Variants in AP2B1 observed in about 807,000 individuals in gnomAD.
The protein encoded by AP2B1 is adaptor related protein complex 2 subunit beta 1, also known as AP-2 complex subunit beta.
Under a neutral mutation model 102.0 loss-of-function variants are expected in AP2B1, and 23 were observed. The ratio of observed to expected loss-of-function variants is 0.23; its 90% confidence interval spans 0.16 to 0.32. AP2B1 has a LOEUF of 0.32. Among genes scored for constraint, AP2B1 ranks in the 10% least tolerant of loss-of-function variants. AP2B1 has a pLI of 1.00. For synonymous variants in AP2B1, 381 were observed against 421.2 expected (o/e 0.90, Z 1.17); for missense variants, 541 against 1,157.4 (o/e 0.47, Z 7.73).
At chr17:35,622,368 A>C (rs1426784760) in intron 5 of AP2B1, among the ~76,000 whole-genome samples, 1 of 152,152 alleles carries the variant, frequency 6.6e-6, no homozygotes, top group Non-Finnish European at 1.5e-5. Context: ...TTTTGTAAGT[A>C]TATTATTTGT....
At chr17:35,621,583 C>T (rs1174612449) in intron 5 of AP2B1, among the ~76,000 whole-genome samples, 1 of 152,190 alleles carries the variant, frequency 6.6e-6, no homozygotes, top group South Asian at 2.1e-4. Flanking sequence ...CTAATCTGAT[C>T]TTTCTGGATC....
chr17:35,663,296 T>A (rs952829831), intron 14 of AP2B1, among the ~76,000 whole-genome samples: 1 of 152,214 alleles, frequency 6.6e-6, no homozygotes, highest in African/African-American at 2.4e-5. Context: ...CAGACAGTTT[T>A]GAGAATAATT....
intron 14 of AP2B1, among the ~76,000 whole-genome samples, chr17:35,668,443 G>A (rs956986844): frequency 4.6e-5 from 7 of 152,056 alleles, no homozygotes; most frequent in Non-Finnish European, 7.4e-5. Context: ...CTCTGGGGGC[G>A]AGTACTTTTT....
intron 10 of AP2B1, among the ~76,000 whole-genome samples, chr17:35,637,726 C>G (rs1412969893): frequency 7.4e-5 from 11 of 148,790 alleles, no homozygotes; most frequent in Admixed American, 1.3e-4. Flanking sequence ...CACTCTGTTG[C>G]CCAGGCTGGA....
intron 16 of AP2B1, among the ~76,000 whole-genome samples, chr17:35,672,455 A>C (rs2075609268): frequency 6.6e-6 from 1 of 152,216 alleles, no homozygotes; most frequent in South Asian, 2.1e-4. Context: ...AGCTCATTTA[A>C]GCCCTTGGGA....
chr17:35,691,432 C>T lies in AP2B1; in HGVS notation c.2454+8608C>T, dbSNP rs1025717627. ...AGAAAAACTGGTAGACGCTTCCAAG[C>T]GGAAGACCTTTTCAGCGCTCCCATC... On this transcript the variant is annotated intron_variant, in intron 18 of 21. Coordinates refer to ENST00000610402, the MANE Select transcript of AP2B1 (RefSeq NM_001030006.2). 2.6e-5 allele frequency among the ~76,000 whole-genome samples: 4 copies of T among 152,196 alleles called. No homozygotes were observed. The East Asian group carries it at 7.7e-4, about 29-fold the overall frequency.
intron 11 of AP2B1, among the ~76,000 whole-genome samples, chr17:35,640,829 T>A (rs1435664805): frequency 6.6e-6 from 1 of 152,180 alleles, no homozygotes; most frequent in Non-Finnish European, 1.5e-5. Flanking sequence ...GACTACACAT[T>A]TCTGTTAGTA....
At chr17:35,661,240 GAAA>G (rs375780143) in intron 14 of AP2B1, among the ~76,000 whole-genome samples, 2 of 151,862 alleles carry the variant, frequency 1.3e-5, no homozygotes, top group African/African-American at 4.8e-5. Context: ...AAACTATAAA[GAAA>G]AAAAATACTA....
chr17:35,646,978 A>G (rs879486283), intron 12 of AP2B1, among the ~76,000 whole-genome samples: 4 of 152,174 alleles, frequency 2.6e-5, no homozygotes, highest in Admixed American at 6.5e-5. Flanking sequence ...TAATTTGAAG[A>G]AAAAGCATTT....
At chr17:35,662,605 C>T (rs1399860339) in intron 14 of AP2B1, among the ~76,000 whole-genome samples, 2 of 131,680 alleles carry the variant, frequency 1.5e-5, no homozygotes, top group Non-Finnish European at 3.1e-5. Context: ...TGTGATTTTT[C>T]TCACCGTGCA....
chr17:35,618,088 T>C (rs1271508431), intron 5 of AP2B1, among the ~76,000 whole-genome samples: 1 of 152,202 alleles, frequency 6.6e-6, no homozygotes, highest in Non-Finnish European at 1.5e-5. Context: ...AAATGGAATA[T>C]TCTAGATTGT....
At chr17:35,624,753 A>G (rs1302526006) in intron 6 of AP2B1, among the ~76,000 whole-genome samples, 166 bp downstream of exon 6, 1 of 152,214 alleles carries the variant, frequency 6.6e-6, no homozygotes, top group African/African-American at 2.4e-5. Flanking sequence ...TAGGTGGTAG[A>G]ATAAACTATG....
intron 18 of AP2B1, among the ~76,000 whole-genome samples, chr17:35,699,928 G>T (rs903754921): frequency 6.6e-6 from 1 of 151,856 alleles, no homozygotes; most frequent in African/African-American, 2.4e-5. Context: ...GTAGACTAGT[G>T]TCTACAAAAA....
intron 7 of AP2B1, 116 bp from the exon 8 acceptor site, chr17:35,627,269 T>TTTG: frequency 2.5e-6 from 1 of 404,306 alleles, no homozygotes. Context: ...TTTTTTTTTT[T>TTTG]GCCTGAGTGG....
At chr17:35,659,117 T>G (rs2075301926) in intron 14 of AP2B1, among the ~76,000 whole-genome samples, 1 of 152,206 alleles carries the variant, frequency 6.6e-6, no homozygotes, top group Admixed American at 6.5e-5. Flanking sequence ...TATAGCCTCC[T>G]TATAGACTCC....
At chr17:35,664,172 C>T (rs930983623) in intron 14 of AP2B1, among the ~76,000 whole-genome samples, 1 of 152,196 alleles carries the variant, frequency 6.6e-6, no homozygotes, top group African/African-American at 2.4e-5. Flanking sequence ...TGCAGGCATT[C>T]TTCTTCTGAA....
chr17:35,656,770 A>G (rs888102725), intron 13 of AP2B1, among the ~76,000 whole-genome samples: 2 of 152,030 alleles, frequency 1.3e-5, no homozygotes, highest in Non-Finnish European at 2.9e-5. Flanking sequence ...CTGTAGTCCC[A>G]ACTACTTGGG....
At chr17:35,718,977 T>G (rs2085272543) in intron 21 of AP2B1, among the ~76,000 whole-genome samples, 1 of 152,144 alleles carries the variant, frequency 6.6e-6, no homozygotes, top group Admixed American at 6.5e-5. Flanking sequence ...GACACTCTTC[T>G]TACACAATAT....
At chr17:35,590,320 G>A (rs1262771160) in intron 1 of AP2B1, among the ~76,000 whole-genome samples, 1 of 152,052 alleles carries the variant, frequency 6.6e-6, no homozygotes, top group Non-Finnish European at 1.5e-5. Flanking sequence ...ATTATATGAG[G>A]TGAGAACTCA....
Sources: gnomAD v4.1 joint callset for allele counts (sites outside exome capture counted in the v4.1 genomes callset) on GRCh38, gnomAD v4.1.1 for gene constraint, MANE v1.5 for transcripts, NCBI Gene and HGNC (gene_info 2026-07-23, HGNC 2026-07-21) for gene names.